STX18: variants seen among roughly 807,000 people sequenced by gnomAD.
STX18 encodes the protein syntaxin 18, also known as syntaxin-18.
In STX18, 40 loss-of-function variants were observed where a neutral mutation model predicts 50.1. The ratio of observed to expected loss-of-function variants is 0.80; its 90% CI spans 0.62 to 1.04. STX18 has a LOEUF of 1.04. STX18 is among the 50% of genes least tolerant of loss of function. The probability of loss-of-function intolerance (pLI) is 0.00; values close to 1 mark genes in which losing one functional copy is unlikely to be tolerated. For synonymous variants in STX18, 158 were observed against 151.8 expected (o/e 1.04, Z -0.30); for missense variants, 410 against 415.8 (o/e 0.99, Z 0.12).
intron 1 of STX18, among the ~76,000 whole-genome samples, chr4:4,531,239 G>A (rs1206767166): frequency 2.0e-5 from 3 of 151,952 alleles, no homozygotes; most frequent in Non-Finnish European, 4.4e-5. Flanking sequence ...GGTGTAAAAT[G>A]TTTTGGTATA....
At chr4:4,507,158 T>TACAA (rs999555067) in intron 1 of STX18, 3 of 563,614 alleles carry the variant, frequency 5.3e-6, no homozygotes, top group African/African-American at 1.9e-5. Context: ...AGCAACACAG[T>TACAA]ACAAGACGGC....
intron 5 of STX18, among the ~76,000 whole-genome samples, chr4:4,439,891 G>A (rs992803760): frequency 2.0e-5 from 3 of 152,210 alleles, no homozygotes; most frequent in South Asian, 2.1e-4. Context: ...AGGAAAGGCC[G>A]CCTCCCACTC....
chr4:4,478,082 ACG>A (rs1323338752), intron 1 of STX18: 2 of 152,212 alleles, frequency 1.3e-5, no homozygotes, highest in African/African-American at 4.8e-5. Flanking sequence ...TGTATGACTC[ACG>A]GTGTTCATGT....
chr4:4,463,216 T>C (rs747598014), intron 2 of STX18, among the ~76,000 whole-genome samples: 1 of 152,166 alleles, frequency 6.6e-6, no homozygotes, highest in Non-Finnish European at 1.5e-5. Flanking sequence ...TTGTAGCCCA[T>C]CACAGCTACT....
At chr4:4,459,681 G>A (rs996141914) in intron 2 of STX18, among the ~76,000 whole-genome samples, 194 bp from the exon 3 acceptor site, 18 of 152,168 alleles carry the variant, frequency 1.2e-4, no homozygotes, top group African/African-American at 4.3e-4. Flanking sequence ...TGAAGGGTGT[G>A]TGGTAGAAAA....
intron 5 of STX18, among the ~76,000 whole-genome samples, chr4:4,454,396 C>A (rs1369457941): frequency 6.6e-6 from 1 of 152,212 alleles, no homozygotes; most frequent in African/African-American, 2.4e-5. Context: ...AAGGCCTCTG[C>A]TGAGAAACAA....
chr4:4,462,189 G>A (rs563033184), intron 2 of STX18, among the ~76,000 whole-genome samples: 1 of 152,164 alleles, frequency 6.6e-6, no homozygotes, highest in African/African-American at 2.4e-5. Context: ...CCAGCTCTCT[G>A]GCAGGAAACA....
In STX18 at chr4:4,420,900, A is replaced by T. The variant is rs772339669; in HGVS notation, c.876T>A (p.Thr292=). 16 of 1,614,156 alleles carry T rather than the reference A, an allele frequency of 9.9e-6. No individual in the cohort carries two copies. Among genetic ancestry groups the T allele is most frequent in the African/African-American group, 1.3e-5 (1 of 75,042 alleles). The change falls in exon 10 of 11, where the codon ACT becomes ACA. Residue 292 remains threonine (T), a synonymous_variant. Transcript: ENST00000306200. This position sits in a 1 kb window ranked among gnomAD's most constrained non-coding sequence, Gnocchi z 4.3. ...CTTCGTTGCCTTCCTTGATATTTTC[A>T]GTTGCCCCCACAACTAACTGGTGAA... is the stretch of plus-strand genomic sequence containing the variant. The part of the protein sequence containing the change: ...DSIHQLVVGA[T]ENIKEGNEDI...
intron 1 of STX18, among the ~76,000 whole-genome samples, chr4:4,488,868 G>C (rs893571532): frequency 1.3e-5 from 2 of 152,120 alleles, no homozygotes; most frequent in Non-Finnish European, 2.9e-5. Context: ...CATCAAAACT[G>C]TTACCTTGTT....
chr4:4,455,153 T>C (rs1454617164), intron 5 of STX18, among the ~76,000 whole-genome samples: 1 of 152,230 alleles, frequency 6.6e-6, no homozygotes, highest in Non-Finnish European at 1.5e-5. Flanking sequence ...CATTATACTA[T>C]GCCACTTGAT....
chr4:4,479,865 C>T lies in STX18; in HGVS notation c.169-8159G>A, dbSNP rs138585264. Among the ~76,000 whole-genome samples the T allele has an allele frequency of 4.0e-3, 615 of 152,292 alleles. 2 individuals carry two copies. Among genetic ancestry groups the T allele is most frequent in the Admixed American group, 6.7e-3 (103 of 15,300 alleles). The stretch of plus-strand genomic sequence containing the variant: ...TACTAGGAAACACCAAACAAAACAA[C>T]ACAGCATCCCAATAGGCAAACAGGT... On this transcript the variant is annotated intron_variant, in intron 1 of 10. Transcript: ENST00000306200.
chr4:4,451,825 G>A (rs546768103), intron 5 of STX18, among the ~76,000 whole-genome samples: 1 of 152,170 alleles, frequency 6.6e-6, no homozygotes, highest in Non-Finnish European at 1.5e-5. Context: ...ACCCAGCAGC[G>A]GCCTCTAAGT....
At chr4:4,488,567 G>C (rs1336643500) in intron 1 of STX18, among the ~76,000 whole-genome samples, 1 of 152,122 alleles carries the variant, frequency 6.6e-6, no homozygotes, top group Non-Finnish European at 1.5e-5. Flanking sequence ...TCAAGTATGG[G>C]TCCCATCCAC....
At chr4:4,520,854 A>G (rs1470565526) in intron 1 of STX18, among the ~76,000 whole-genome samples, 1 of 152,236 alleles carries the variant, frequency 6.6e-6, no homozygotes, top group African/African-American at 2.4e-5. Flanking sequence ...CTAGTGAAAT[A>G]TATCTTTCAG....
Position 4,541,872 on chromosome 4 carries a change from G to A in STX18, c.93C>T (p.Val31=). 2.5e-6 allele frequency: 4 copies of A among 1,606,622 alleles called. No individual in the cohort carries two copies. The highest frequency in any genetic ancestry group is 3.4e-6 in the Non-Finnish European group (4 of 1,176,116). ...GGAACAGCTCGTCCCGGCTGCCATC[G>A]ACCCCGCCGCCCACCGCCACTCCCA... is the stretch of plus-strand genomic sequence containing the variant. ...KALGVAVGGG[V]DGSRDELFRR... The change falls in exon 1 of 11, where the codon GTC becomes GTT. Residue 31 remains valine, a synonymous_variant. Transcript: ENST00000306200.
intron 1 of STX18, among the ~76,000 whole-genome samples, chr4:4,533,166 C>T (rs1034780817): frequency 6.6e-6 from 1 of 152,228 alleles, no homozygotes; most frequent in Non-Finnish European, 1.5e-5. Context: ...ATCATACTTT[C>T]ATTCCTCTGG....
chr4:4,422,084 G>T (rs1011935684), intron 9 of STX18, among the ~76,000 whole-genome samples: 1 of 152,168 alleles, frequency 6.6e-6, no homozygotes, highest in Non-Finnish European at 1.5e-5. Context: ...GAGGAAGGCA[G>T]CATGTGGCCT....
intron 1 of STX18, among the ~76,000 whole-genome samples, chr4:4,526,023 G>C (rs1482427854): frequency 6.6e-6 from 1 of 152,194 alleles, no homozygotes; most frequent in Non-Finnish European, 1.5e-5. Flanking sequence ...GTGAAAACTG[G>C]TGGGATGATG....
intron 1 of STX18, among the ~76,000 whole-genome samples, chr4:4,514,078 C>T (rs1224160269): frequency 1.3e-5 from 2 of 152,166 alleles, no homozygotes; most frequent in African/African-American, 4.8e-5. Flanking sequence ...TCAAAATCCA[C>T]ATGGCCAGGA....
Sources: allele counts gnomAD v4.1 joint callset (sites outside exome capture counted in the v4.1 genomes callset), GRCh38; gene constraint gnomAD v4.1.1; non-coding constraint Gnocchi (gnomAD v3.1); transcripts MANE v1.5; gene names NCBI Gene and HGNC (gene_info 2026-07-23, HGNC 2026-07-21).